Variants in RICTOR observed in about 807,000 individuals in gnomAD.
The protein encoded by RICTOR is RPTOR independent companion of MTOR complex 2.
In RICTOR, 49 loss-of-function variants were observed where a neutral mutation model predicts 214.9. The ratio of observed to expected loss-of-function variants is 0.23; its 90% CI spans 0.18 to 0.29. The LOEUF is 0.29. Among genes scored for constraint, RICTOR ranks in the 10% least tolerant of loss-of-function variants. The pLI, the probability that RICTOR is intolerant of heterozygous loss-of-function variation, is 1.00. For synonymous variants in RICTOR, 717 were observed against 711.3 expected, an observed-to-expected ratio of 1.01 and a Z score of -0.13; for missense variants, 1,625 against 2,047.0, an observed-to-expected ratio of 0.79 and a Z score of 3.98.
intron 3 of RICTOR, among the ~76,000 whole-genome samples, chr5:39,009,106 G>C (rs957248174): frequency 6.6e-6 from 1 of 152,054 alleles, no homozygotes. Flanking sequence ...AAAATGAAAG[G>C]TTGTAAAATT....
intron 8 of RICTOR, 113 bp from the exon 9 acceptor site, chr5:38,978,763 G>A (rs1751446729): frequency 1.0e-5 from 5 of 499,490 alleles, no homozygotes; most frequent in Non-Finnish European, 1.7e-5. Flanking sequence ...TTACTGCTTG[G>A]GGGACTTATT....
At position 39,019,417 on chromosome 5, in the gene RICTOR, G is replaced by A. The variant is rs561026283; in HGVS notation, c.195+1622C>T. 5.3e-4 allele frequency among the ~76,000 whole-genome samples: 81 copies of A among 152,186 alleles called. 1 individual carries two copies. Among genetic ancestry groups the A allele is most frequent in the Non-Finnish European group, 1.1e-3 (73 of 67,990 alleles). ...CTCATGTCTGGGGCTAATGCAGCTC[G>A]TGACTTTAGATTGAACCCAATGATC... is the stretch of plus-strand genomic sequence containing the variant. On this transcript the variant is annotated intron_variant, in intron 3 of 37. Transcript: ENST00000357387.
At chr5:39,007,439 C>A (rs918120301) in intron 3 of RICTOR, among the ~76,000 whole-genome samples, 2 of 152,148 alleles carry the variant, frequency 1.3e-5, no homozygotes, top group Non-Finnish European at 2.9e-5. Flanking sequence ...TTCAAAGGCC[C>A]TATCTCCAAA....
At chr5:39,037,584 GAAGAA>G (rs1756819117) in intron 2 of RICTOR, among the ~76,000 whole-genome samples, 1 of 150,334 alleles carries the variant, frequency 6.7e-6, no homozygotes, top group Non-Finnish European at 1.5e-5. Context: ...GACTAATAAA[GAAGAA>G]AAGAGAGAAG....
At chr5:38,961,546 A>G (rs886538710) in intron 19 of RICTOR, among the ~76,000 whole-genome samples, 1 of 152,146 alleles carries the variant, frequency 6.6e-6, no homozygotes, top group African/African-American at 2.4e-5. Flanking sequence ...ATGCACTACA[A>G]TTCAATCCAA....
chr5:38,978,869 A>T (rs1336973621), intron 8 of RICTOR, among the ~76,000 whole-genome samples: 1 of 152,066 alleles, frequency 6.6e-6, no homozygotes, highest in Non-Finnish European at 1.5e-5. Context: ...CATGTATCTA[A>T]AACAGTGATT....
intron 25 of RICTOR, among the ~76,000 whole-genome samples, chr5:38,957,399 T>C (rs1471742649): frequency 1.3e-5 from 2 of 151,888 alleles, no homozygotes; most frequent in Non-Finnish European, 2.9e-5. Context: ...ATCAAATGAG[T>C]TGAGAGTCAA....
At chr5:38,958,303 A>C (rs1325600794) in intron 24 of RICTOR, 140 bp downstream of exon 24, 1 of 632,186 alleles carries the variant, frequency 1.6e-6, no homozygotes, top group African/African-American at 1.8e-5. Flanking sequence ...AGAAAAACCC[A>C]AAATAATGAA....
chr5:39,001,384 A>G (rs999861302), intron 5 of RICTOR, among the ~76,000 whole-genome samples: 2 of 152,134 alleles, frequency 1.3e-5, no homozygotes, highest in Non-Finnish European at 2.9e-5. Context: ...TCATAAAGAT[A>G]AAAATGAATC....
At chr5:39,035,900 T>C (rs1756651283) in intron 2 of RICTOR, among the ~76,000 whole-genome samples, 1 of 152,158 alleles carries the variant, frequency 6.6e-6, no homozygotes, top group Admixed American at 6.5e-5. Context: ...CTGCAGGATA[T>C]TATCCAGGAG....
intron 11 of RICTOR, 106 bp from the exon 12 acceptor site, chr5:38,968,136 AC>A (rs1460881864): frequency 1.3e-4 from 87 of 666,438 alleles, no homozygotes; most frequent in Non-Finnish European, 2.2e-4. Flanking sequence ...AACTATTAAT[AC>A]AATGACATGT....
chr5:39,058,495 T>C (rs1758334308), intron 2 of RICTOR, among the ~76,000 whole-genome samples: 3 of 152,120 alleles, frequency 2.0e-5, no homozygotes, highest in Admixed American at 2.0e-4. Context: ...ATGACTTCCG[T>C]CTATGTAAAA....
intron 11 of RICTOR, chr5:38,969,670 T>A (rs1013249744): frequency 2.7e-5 from 4 of 145,544 alleles, no homozygotes; most frequent in African/African-American, 7.5e-5. Flanking sequence ...TTTTTAATTT[T>A]TTTTTTTTTT....
intron 7 of RICTOR, among the ~76,000 whole-genome samples, chr5:38,990,501 T>TACGATATATAC (rs1228766342): frequency 3.0e-4 from 17 of 55,886 alleles, no homozygotes; most frequent in African/African-American, 8.4e-4. Context: ...AATACATATA[T>TACGATATATAC]ACGATATATA....
intron 6 of RICTOR, among the ~76,000 whole-genome samples, chr5:38,993,396 GT>G (rs1164825172): frequency 2.6e-5 from 4 of 152,124 alleles, no homozygotes; most frequent in South Asian, 4.2e-4. Context: ...TAACTGACTA[GT>G]GGAAAAATTA....
At position 38,949,989 on chromosome 5, in the gene RICTOR, G is replaced by C. The variant is rs766732344; in HGVS notation, c.3859C>G (p.Leu1287Val). 1 of 1,613,372 alleles carries C rather than the reference G, an allele frequency of 6.2e-7. No homozygotes were observed. The highest frequency in any genetic ancestry group is 8.5e-7 in the Non-Finnish European group (1 of 1,179,634). ...LSLSKSNSVS[L>V]VPPGSSHTLP... is the part of the protein sequence containing the mutation. ...GTATGAGAAGAACCTGGAGGCACCA[G>C]GGACACCGAATTTGATTTGGAGAGA... Residue 1287 changes from leucine to valine, a missense_variant, in exon 31 of 38, where the codon CTG becomes GTG. Physicochemically the swap from Leu to Val is conservative, Grantham distance 32. Around this residue, in one of 5 missense-constraint regions of RICTOR, gnomAD observed 1,214 missense variants for 1,470.5 expected, o/e 0.83. Transcript: ENST00000357387.
chr5:38,958,608 T>C, intron 23 of RICTOR, 59 bp downstream of exon 23: 4 of 1,511,976 alleles, frequency 2.6e-6, no homozygotes, highest in Admixed American at 3.8e-5. Context: ...TTTTACATAA[T>C]TGTCAAATGA....
intron 2 of RICTOR, among the ~76,000 whole-genome samples, chr5:39,043,669 G>A (rs559715691): frequency 6.6e-6 from 1 of 152,272 alleles, no homozygotes; most frequent in East Asian, 1.9e-4. Context: ...TGGTCTGAAT[G>A]TCCCCTCCAA....
intron 31 of RICTOR, chr5:38,949,463 T>G: frequency 6.6e-7 from 1 of 1,519,308 alleles, no homozygotes; most frequent in Middle Eastern, 1.7e-4. Flanking sequence ...AAAAAGCTTG[T>G]GACTTGTATG....
Sources: allele counts gnomAD v4.1 joint callset (sites outside exome capture counted in the v4.1 genomes callset), GRCh38; gene constraint gnomAD v4.1.1; regional missense constraint gnomAD v4.1.1; transcripts MANE v1.5; gene names NCBI Gene and HGNC (gene_info 2026-07-23, HGNC 2026-07-21).